Variants in C7orf78 observed in about 807,000 individuals in gnomAD.
C7orf78 encodes the protein putative uncharacterized protein C7orf78.
chr7:12,499,153 A>T, the C7orf78 span, among the ~76,000 whole-genome samples: 1 of 152,226 alleles, frequency 6.6e-6, no homozygotes, highest in Non-Finnish European at 1.5e-5. Context: ...ACAACCATAG[A>T]GACTAGGAAG....
chr7:12,513,289 A>C, the C7orf78 span, among the ~76,000 whole-genome samples: 1 of 134,508 alleles, frequency 7.4e-6, no homozygotes, highest in South Asian at 2.3e-4. Flanking sequence ...TTGCTTTTCT[A>C]GTTCTTCCAG....
the C7orf78 span, among the ~76,000 whole-genome samples, chr7:12,521,894 G>A: frequency 2.6e-5 from 4 of 151,688 alleles, no homozygotes; most frequent in Non-Finnish European, 5.9e-5. Flanking sequence ...TCCTCACAGA[G>A]AAGCTATGCT....
chr7:12,498,547 A>G, the C7orf78 span, among the ~76,000 whole-genome samples: 1 of 152,110 alleles, frequency 6.6e-6, no homozygotes, highest in African/African-American at 2.4e-5. Context: ...AAGAATAAAA[A>G]GAAACGAGCA....
the C7orf78 span, among the ~76,000 whole-genome samples, chr7:12,535,293 T>C: frequency 3.3e-5 from 5 of 152,190 alleles, no homozygotes; most frequent in African/African-American, 1.2e-4. Context: ...CTCACAATCA[T>C]GGTGGAAGGC....
the C7orf78 span, among the ~76,000 whole-genome samples, chr7:12,497,568 C>G: frequency 6.6e-6 from 1 of 152,130 alleles, no homozygotes; most frequent in Non-Finnish European, 1.5e-5. Context: ...ACCCTGCACC[C>G]GGCTCGGAGG....
At chr7:12,528,602 C>T in the C7orf78 span, among the ~76,000 whole-genome samples, 74,026 of 149,138 alleles carry the variant, frequency 0.5, 18,667 homozygotes, top group Middle Eastern at 0.58. Context: ...TGACTTCAAA[C>T]ATATTTTAAG....
chr7:12,522,853 A>C, the C7orf78 span: 1 of 395,860 alleles, frequency 2.5e-6, no homozygotes, highest in African/African-American at 2.1e-5. Flanking sequence ...ATTCCCTGTC[A>C]TTTCTGAGCT....
the C7orf78 span, chr7:12,542,049 G>A: frequency 6.6e-6 from 1 of 152,120 alleles, no homozygotes; most frequent in East Asian, 1.9e-4. Flanking sequence ...TTCTGATCAA[G>A]ATTTGATGAT....
the C7orf78 span, among the ~76,000 whole-genome samples, chr7:12,486,366 T>C: frequency 6.6e-6 from 1 of 151,998 alleles, no homozygotes; most frequent in Non-Finnish European, 1.5e-5. Flanking sequence ...TTCCACACAC[T>C]ATTCATTCAA....
the C7orf78 span, among the ~76,000 whole-genome samples, chr7:12,485,824 T>C: frequency 6.6e-6 from 1 of 150,768 alleles, no homozygotes; most frequent in Admixed American, 6.6e-5. Flanking sequence ...ATCCAAATTA[T>C]AATTTGCACG....
At chr7:12,499,350 A>T in the C7orf78 span, among the ~76,000 whole-genome samples, 1 of 152,188 alleles carries the variant, frequency 6.6e-6, no homozygotes, top group African/African-American at 2.4e-5. Flanking sequence ...ACGTGCAGAG[A>T]CACACATAGG....
At chr7:12,498,082 G>C in the C7orf78 span, among the ~76,000 whole-genome samples, 1 of 151,854 alleles carries the variant, frequency 6.6e-6, no homozygotes, top group Admixed American at 6.6e-5. Context: ...AAACCCATCT[G>C]TACATCACCA....
the C7orf78 span, among the ~76,000 whole-genome samples, chr7:12,507,904 G>A: frequency 1.3e-5 from 2 of 152,104 alleles, no homozygotes; most frequent in African/African-American, 4.8e-5. Context: ...TAATTTACCA[G>A]ACCGTCTTTT....
chr7:12,526,458 C>A, the C7orf78 span, among the ~76,000 whole-genome samples: 6 of 152,132 alleles, frequency 3.9e-5, no homozygotes, highest in South Asian at 1.2e-3. Context: ...TTAGGAGGGA[C>A]AATATCTGAA....
At chr7:12,507,390 A>AG in the C7orf78 span, 1 of 175,104 alleles carries the variant, frequency 5.7e-6, no homozygotes, top group Non-Finnish European at 1.3e-5. Flanking sequence ...CAATGAAGAA[A>AG]GCAGACAGCC....
At chr7:12,508,291 C>T in the C7orf78 span, among the ~76,000 whole-genome samples, 44,507 of 151,834 alleles carry the variant, frequency 0.29, 7,164 homozygotes, top group African/African-American at 0.43. Context: ...CCACAAGTAA[C>T]TAAAACTGAA....
At chr7:12,514,652 C>A in the C7orf78 span, among the ~76,000 whole-genome samples, 1 of 151,958 alleles carries the variant, frequency 6.6e-6, no homozygotes, top group Non-Finnish European at 1.5e-5. Context: ...CCCATAGGGT[C>A]TTGTAGTTTT....
At chr7:12,496,630 A>G in the C7orf78 span, 3 of 152,198 alleles carry the variant, frequency 2.0e-5, no homozygotes, top group African/African-American at 7.2e-5. Flanking sequence ...CTCGTGATGT[A>G]TTCTTATAGG....
the C7orf78 span, among the ~76,000 whole-genome samples, chr7:12,519,708 AT>A: frequency 4.6e-5 from 7 of 152,070 alleles, no homozygotes; most frequent in South Asian, 4.2e-4. Context: ...GTGCTGCACC[AT>A]TTTTTTTCCC....
Sources: allele counts gnomAD v4.1 joint callset (sites outside exome capture counted in the v4.1 genomes callset), GRCh38; gene constraint gnomAD v4.1.1; transcripts MANE v1.5; gene names NCBI Gene and HGNC (gene_info 2026-07-23, HGNC 2026-07-21).